The following SEMA3E variants were observed in gnomAD, a reference collection of about 807,000 sequenced individuals.
The protein encoded by SEMA3E is semaphorin 3E.
A neutral mutation model predicts 93.6 loss-of-function variants in SEMA3E; 49 were observed. The ratio of observed to expected loss-of-function variants is 0.52; its 90% CI spans 0.42 to 0.66. The LOEUF (loss-of-function observed/expected upper bound fraction) is 0.66, where lower values mean the gene tolerates loss of function less well. Ranked by LOEUF, SEMA3E falls within the 30% of genes least tolerant of loss-of-function variation. The pLI is 0.00. For synonymous variants in SEMA3E, 363 were observed against 330.7 expected (o/e 1.10, Z -1.06); for missense variants, 906 against 964.8 (o/e 0.94, Z 0.81).
intron 1 of SEMA3E, among the ~76,000 whole-genome samples, chr7:83,550,722 A>G (rs558252829): frequency 6.6e-6 from 1 of 152,220 alleles, no homozygotes; most frequent in East Asian, 1.9e-4. Flanking sequence ...TCATTTCTAT[A>G]TCAAGAAGTT....
intron 1 of SEMA3E, among the ~76,000 whole-genome samples, chr7:83,557,365 T>G (rs968700158): frequency 6.6e-6 from 1 of 151,536 alleles, no homozygotes; most frequent in Non-Finnish European, 1.5e-5. Context: ...AGTATCAACA[T>G]AAATATTGAT....
intron 1 of SEMA3E, among the ~76,000 whole-genome samples, chr7:83,553,638 C>T (rs1386397957): frequency 6.6e-6 from 1 of 151,990 alleles, no homozygotes; most frequent in African/African-American, 2.4e-5. Context: ...AACTTTGGGG[C>T]TTTTAGGGAC....
chr7:83,447,317 A>G (rs1789253213), intron 4 of SEMA3E, among the ~76,000 whole-genome samples: 1 of 152,102 alleles, frequency 6.6e-6, no homozygotes, highest in South Asian at 2.1e-4. Flanking sequence ...TGGGTGGATC[A>G]CGAGGTCAGG....
At chr7:83,550,952 A>G (rs1236943399) in intron 1 of SEMA3E, among the ~76,000 whole-genome samples, 2 of 152,166 alleles carry the variant, frequency 1.3e-5, no homozygotes, top group Non-Finnish European at 2.9e-5. Flanking sequence ...ATTAGTAATA[A>G]AAGTATAACA....
chr7:83,555,244 G>A (rs975477002), intron 1 of SEMA3E, among the ~76,000 whole-genome samples: 1 of 152,100 alleles, frequency 6.6e-6, no homozygotes. Flanking sequence ...CTTGCTTTCT[G>A]CATCAAAAAG....
intron 1 of SEMA3E, among the ~76,000 whole-genome samples, chr7:83,617,166 C>T (rs1464635284): frequency 1.3e-5 from 2 of 151,736 alleles, no homozygotes; most frequent in South Asian, 4.1e-4. Flanking sequence ...TGTTTTGTAG[C>T]CCACAAATTT....
intron 1 of SEMA3E, among the ~76,000 whole-genome samples, chr7:83,604,427 C>CTA (rs35138725): frequency 0.16 from 23,325 of 148,806 alleles, 2,400 homozygotes; most frequent in Middle Eastern, 0.27. Flanking sequence ...TTTTCTCTCT[C>CTA]TATATATATA....
chr7:83,400,019 T>A lies in SEMA3E; in HGVS notation c.1366+9A>T. 1 of 1,591,118 alleles carries A rather than the reference T, an allele frequency of 6.3e-7. No individual in the cohort carries two copies. The highest frequency in any genetic ancestry group is 8.6e-7 in the Non-Finnish European group (1 of 1,159,190). The stretch of plus-strand genomic sequence containing the variant: ...TTAAATATCTCTGAGTACTTTCTCG[T>A]CTCTTTACCTGTCCCAATAAACAAG... On this transcript the variant is annotated intron_variant, in intron 11 of 16. Transcript: ENST00000643230.
At chr7:83,521,986 C>T (rs987202585) in intron 1 of SEMA3E, among the ~76,000 whole-genome samples, 2 of 151,972 alleles carry the variant, frequency 1.3e-5, no homozygotes, top group African/African-American at 4.8e-5. Flanking sequence ...AGGGCAGAGA[C>T]AAAAATTTGA....
At position 83,389,985 on chromosome 7, in the gene SEMA3E, G is replaced by GTATATATGTGTATACGTATACACATA. The variant is rs140354864; in HGVS notation, c.1667+2569_1667+2570insTATGTGTATACGTATACACATATATA. Among the ~76,000 whole-genome samples the GTATATATGTGTATACGTATACACATA allele has an allele frequency of 8.8e-4, 31 of 35,274 alleles. 5 individuals are homozygous for GTATATATGTGTATACGTATACACATA. In the South Asian group the frequency reaches 0.065, roughly 74 times the overall value. 23.1% of individuals were successfully genotyped at this position (35,274 alleles called of 152,430 possible). A position where few individuals can be genotyped will look rare whatever the true frequency, so the allele number is the denominator to read the frequency against. On this transcript the variant is annotated intron_variant, in intron 14 of 16. Transcript: ENST00000643230. ...TGTATACGTATACACATATATACGC[G>GTATATATGTGTATACGTATACACATA]TATATGTGTATACGTATACACATAT...
chr7:83,548,549 T>A lies in SEMA3E; in HGVS notation c.116-58275A>T, dbSNP rs1437485051. ...CTAGAGAGTCTAGAGATCTTTAGAG[T>A]CTTTTATATCTAGAAAGAGTATTTG... is the stretch of plus-strand genomic sequence containing the variant. On this transcript the variant is annotated intron_variant, in intron 1 of 16. Coordinates refer to ENST00000643230, the MANE Select transcript of SEMA3E (RefSeq NM_012431.3). Among the ~76,000 whole-genome samples, 11 of 151,802 alleles carry A rather than the reference T, an allele frequency of 7.2e-5. No individual in the cohort carries two copies. The Admixed American group carries it at 7.2e-4, about 10-fold the overall frequency.
At chr7:83,558,252 A>G (rs1477255741) in intron 1 of SEMA3E, among the ~76,000 whole-genome samples, 1 of 152,188 alleles carries the variant, frequency 6.6e-6, no homozygotes, top group Admixed American at 6.5e-5. Flanking sequence ...CAAAGATGCC[A>G]TGTTCTGCCA....
At chr7:83,484,096 T>A (rs1418535268) in intron 2 of SEMA3E, among the ~76,000 whole-genome samples, 1 of 152,190 alleles carries the variant, frequency 6.6e-6, no homozygotes, top group Non-Finnish European at 1.5e-5. Flanking sequence ...CTCCCCATTT[T>A]CCTTTACCTT....
chr7:83,451,312 C>T (rs1459002383), intron 4 of SEMA3E, among the ~76,000 whole-genome samples: 1 of 152,108 alleles, frequency 6.6e-6, no homozygotes, highest in Non-Finnish European at 1.5e-5. Flanking sequence ...CTTTTATAAA[C>T]ACTTTAACCA....
At chr7:83,389,641 C>T (rs568726875) in intron 14 of SEMA3E, among the ~76,000 whole-genome samples, 134 of 150,940 alleles carry the variant, frequency 8.9e-4, no homozygotes, top group African/African-American at 3.0e-3. Flanking sequence ...CACACATACA[C>T]GTATATATTA....
At chr7:83,540,183 T>A (rs1791492239) in intron 1 of SEMA3E, among the ~76,000 whole-genome samples, 1 of 152,182 alleles carries the variant, frequency 6.6e-6, no homozygotes, top group South Asian at 2.1e-4. Context: ...GCTCCTGGCC[T>A]AATTTTATTT....
intron 1 of SEMA3E, among the ~76,000 whole-genome samples, chr7:83,577,097 T>A (rs1584342363): frequency 6.6e-6 from 1 of 152,294 alleles, no homozygotes; most frequent in South Asian, 2.1e-4. Context: ...ACCTAATCAC[T>A]ATTCAAAACA....
At chr7:83,429,613 G>T (rs1028148409) in intron 4 of SEMA3E, among the ~76,000 whole-genome samples, 10 of 152,114 alleles carry the variant, frequency 6.6e-5, no homozygotes, top group Non-Finnish European at 1.2e-4. Context: ...ACCCTGCAGT[G>T]CTTTTGTTTT....
chr7:83,368,190 TAC>T (rs1427541835), intron 16 of SEMA3E, 152 bp from the exon 17 acceptor site: 2 of 631,832 alleles, frequency 3.2e-6, no homozygotes, highest in Non-Finnish European at 5.4e-6. Flanking sequence ...GCTAAATAAT[TAC>T]ATCTCTCTCT....
Sources: gnomAD v4.1 joint callset for allele counts (sites outside exome capture counted in the v4.1 genomes callset) on GRCh38, gnomAD v4.1.1 for gene constraint, MANE v1.5 for transcripts, NCBI Gene and HGNC (gene_info 2026-07-23, HGNC 2026-07-21) for gene names.